EPDR1: variants seen among roughly 807,000 people sequenced by gnomAD.
EPDR1 encodes mammalian ependymin-related protein 1.
In EPDR1, 27 loss-of-function variants were observed where a neutral mutation model predicts 23.7. The observed-to-expected ratio is 1.14, with a 90% CI of 0.84 to 1.57. The LOEUF (loss-of-function observed/expected upper bound fraction) is 1.57, where lower values mean the gene tolerates loss of function less well. EPDR1 is among the 40% of genes most tolerant of loss of function. The pLI is 0.00. For missense variants in EPDR1, 349 were observed against 290.4 expected (o/e 1.20, Z -1.47); for synonymous variants, 137 against 118.2 (o/e 1.16, Z -1.03).
chr7:37,927,058 C>T (rs1171028834), intron 1 of EPDR1, among the ~76,000 whole-genome samples: 1 of 152,160 alleles, frequency 6.6e-6, no homozygotes, highest in East Asian at 1.9e-4. Flanking sequence ...ATTTCAAGAT[C>T]ATCTATACTT....
chr7:37,949,385 T>C (rs1288472864), intron 2 of EPDR1, among the ~76,000 whole-genome samples: 1 of 152,178 alleles, frequency 6.6e-6, no homozygotes, highest in African/African-American at 2.4e-5. Context: ...CCTCCTTTTC[T>C]TTCCCCCACT....
intron 1 of EPDR1, among the ~76,000 whole-genome samples, chr7:37,939,193 A>G (rs573929828): frequency 6.6e-6 from 1 of 151,852 alleles, no homozygotes; most frequent in African/African-American, 2.4e-5. Flanking sequence ...GTTAGCCAGG[A>G]TGGTCTCGAT....
intron 1 of EPDR1, among the ~76,000 whole-genome samples, chr7:37,922,654 C>A (rs567505675): frequency 1.6e-5 from 2 of 127,752 alleles, no homozygotes; most frequent in African/African-American, 5.9e-5. Context: ...ACAGCTAATG[C>A]TTGAGGAAGC....
intron 1 of EPDR1, among the ~76,000 whole-genome samples, chr7:37,929,629 T>C (rs1489016312): frequency 6.6e-6 from 1 of 152,234 alleles, no homozygotes; most frequent in African/African-American, 2.4e-5. Flanking sequence ...AATAAAATGA[T>C]AGATTTATGT....
intron 1 of EPDR1, among the ~76,000 whole-genome samples, chr7:37,942,474 G>C (rs1040645727): frequency 2.6e-5 from 4 of 152,154 alleles, no homozygotes; most frequent in Admixed American, 6.5e-5. Flanking sequence ...AATGGATATA[G>C]AGTTTCAATT....
rs771209054 is a variant in EPDR1 at position 37,921,202 on chromosome 7, G to C, written c.263G>C (p.Cys88Ser). 12 of 1,588,404 alleles carry C rather than the reference G, an allele frequency of 7.6e-6. No homozygotes were observed. The South Asian group carries it at 1.2e-4, about 16-fold the overall frequency. ...VLDERKALIPCKRLFEYILLY... is the reference protein window; with the variant it reads ...VLDERKALIPSKRLFEYILLY... ...GACGAGAGGAAGGCGCTGATCCCCT[G>C]CAAGAGGTACAGGTCATCGGCCCGC... is the stretch of plus-strand genomic sequence containing the variant. The change falls in exon 1 of 3, where the codon TGC becomes TCC. Residue 88 changes from cysteine (C) to serine (S), a missense_variant. Transcript: ENST00000199448.
intron 1 of EPDR1, among the ~76,000 whole-genome samples, chr7:37,925,415 A>G (rs913047477): frequency 3.9e-5 from 6 of 152,250 alleles, no homozygotes; most frequent in Non-Finnish European, 8.8e-5. Context: ...TACATGTTCT[A>G]TTAAGGATTT....
intron 1 of EPDR1, among the ~76,000 whole-genome samples, chr7:37,925,981 AGAG>A (rs532775658): frequency 6.6e-6 from 1 of 152,140 alleles, no homozygotes; most frequent in Non-Finnish European, 1.5e-5. Flanking sequence ...GAGTAGAAAA[AGAG>A]AAGAGGCTAC....
rs1583674738 is a variant in EPDR1 at position 37,951,120 on chromosome 7, T to A, written c.*724T>A. ...GCACGAGCCATGTAAGCTTCTTTTT[T>A]TTCTATGCAAGAGTATTGATGTATG... is the stretch of plus-strand genomic sequence containing the variant. On this transcript the variant is annotated 3_prime_UTR_variant, in exon 3 of 3. Transcript: ENST00000199448. 6.6e-6 allele frequency: 1 copy of A among 152,362 alleles called. No individual in the cohort carries two copies. The highest frequency in any genetic ancestry group is 1.9e-4 in the East Asian group (1 of 5,194). 9.4% of individuals were successfully genotyped at this position (152,362 alleles called of 1,614,324 possible).
At chr7:37,949,523 G>A (rs1786352790) in intron 2 of EPDR1, among the ~76,000 whole-genome samples, 1 of 152,054 alleles carries the variant, frequency 6.6e-6, no homozygotes, top group African/African-American at 2.4e-5. Flanking sequence ...TTACCACACA[G>A]GCATTCATGC....
intron 1 of EPDR1, among the ~76,000 whole-genome samples, chr7:37,943,913 C>G (rs1786220420): frequency 6.6e-6 from 1 of 152,204 alleles, no homozygotes; most frequent in Non-Finnish European, 1.5e-5. Flanking sequence ...CTGCTGTCCC[C>G]TGCCCTTCTG....
In EPDR1 at chr7:37,928,292, G is replaced by T. The variant is rs185151705; in HGVS notation, c.269+7084G>T. On this transcript the variant is annotated intron_variant, in intron 1 of 2. Coordinates refer to ENST00000199448, the MANE Select transcript of EPDR1 (RefSeq NM_017549.5). ...ATCTGAAAATATTCCACCAATTAGTGGTTTGTTTTTCCTGGAATAAATATG... is the reference window on the plus strand; with the variant it reads ...ATCTGAAAATATTCCACCAATTAGTTGTTTGTTTTTCCTGGAATAAATATG... 1.3e-3 allele frequency among the ~76,000 whole-genome samples: 204 copies of T among 152,030 alleles called. 2 individuals carry two copies. The highest frequency in any genetic ancestry group is 0.01 in the Middle Eastern group (3 of 294).
chr7:37,944,611 A>G (rs996253951), intron 1 of EPDR1, among the ~76,000 whole-genome samples: 13 of 152,358 alleles, frequency 8.5e-5, no homozygotes, highest in African/African-American at 3.1e-4. Context: ...GAGCTTATGC[A>G]GGGGAATTCC....
rs768444676 is a variant in EPDR1, at chr7:37,948,790, G to A, written c.270-50G>A. ...AGGTGTTTGTGCTGTTAAAAGGCAC[G>A]AGGATGGTAACATGAAGTCCCAAAC... is the stretch of plus-strand genomic sequence containing the variant. On this transcript the variant is annotated intron_variant, in intron 1 of 2. Transcript: ENST00000199448. The A allele has an allele frequency of 3.7e-5, 54 of 1,475,846 alleles. No homozygotes were observed. The East Asian group carries it at 7.7e-4, about 21-fold the overall frequency. The allele number at this position is 1,475,846 out of a possible 1,614,324, so 91.4% of individuals were successfully genotyped here.
Position 37,950,279 on chromosome 7 carries a change from A to G in EPDR1, c.558A>G (p.Ile186Met), listed in dbSNP as rs1283768191. The G allele has an allele frequency of 1.9e-6, 3 of 1,613,914 alleles. No homozygotes were observed. The highest frequency in any genetic ancestry group is 2.7e-5 in the African/African-American group (2 of 74,870). Residue 186 changes from isoleucine (I) to methionine (M), a missense_variant, in exon 3 of 3, where the codon ATA (isoleucine) becomes ATG (methionine). Ile to Met is a conservative substitution (Grantham distance 10). Coordinates refer to ENST00000199448, the MANE Select transcript of EPDR1 (RefSeq NM_017549.5). The part of the protein sequence containing the change: ...QETFTINYSV[I>M]LSTRFFDIQL... ...CCTTTACCATAAACTACAGTGTGAT[A>G]TTGTCTACGCGGTTTTTTGACATCC...
intron 1 of EPDR1, among the ~76,000 whole-genome samples, chr7:37,932,048 CTT>C (rs1218963920): frequency 1.3e-5 from 2 of 152,092 alleles, no homozygotes; most frequent in African/African-American, 4.8e-5. Context: ...TGATACTCTG[CTT>C]TTTTGTTGGT....
chr7:37,938,073 C>A (rs1786094444), intron 1 of EPDR1, among the ~76,000 whole-genome samples: 1 of 140,566 alleles, frequency 7.1e-6, no homozygotes, highest in African/African-American at 2.7e-5. Flanking sequence ...TCACTGCAAA[C>A]TCTGCTTCCC....
intron 1 of EPDR1, among the ~76,000 whole-genome samples, chr7:37,937,984 A>ATTTTTTTTTTTTTTTTTTTTTTTTTTT (rs1347900474): frequency 1.6e-5 from 1 of 62,244 alleles, no homozygotes; most frequent in Non-Finnish European, 3.1e-5. Flanking sequence ...GTGCCCTTTA[A>ATTTTTTTTTTTTTTTTTTTTTTTTTTT]ATTTTTTTTT....
chr7:37,933,568 T>A (rs978127958), intron 1 of EPDR1, among the ~76,000 whole-genome samples: 6 of 152,226 alleles, frequency 3.9e-5, no homozygotes, highest in Non-Finnish European at 8.8e-5. Flanking sequence ...CTGTAACCTC[T>A]GCTTTGGATG....
Sources: gnomAD v4.1 joint callset for allele counts (sites outside exome capture counted in the v4.1 genomes callset) on GRCh38, gnomAD v4.1.1 for gene constraint, MANE v1.5 for transcripts, NCBI Gene and HGNC (gene_info 2026-07-23, HGNC 2026-07-21) for gene names.